Variants in ABITRAM observed in about 807,000 individuals in gnomAD.
ABITRAM encodes protein Abitram.
Under a neutral mutation model 22.9 loss-of-function variants are expected in ABITRAM, and 19 were observed. That is an observed-to-expected ratio of 0.83 (90% CI 0.58 to 1.22). The LOEUF (loss-of-function observed/expected upper bound fraction) is 1.22, where lower values mean the gene tolerates loss of function less well. Among genes scored for constraint, ABITRAM ranks in the 50% most tolerant of loss-of-function variants. ABITRAM has a pLI of 0.00. For missense variants in ABITRAM, 215 were observed against 220.2 expected, an observed-to-expected ratio of 0.98 and a Z score of 0.15; for synonymous variants, 70 against 73.9, an observed-to-expected ratio of 0.95 and a Z score of 0.27.
At chr9:108,946,075 C>A (rs1314869129) in intron 3 of ABITRAM, among the ~76,000 whole-genome samples, 1 of 151,758 alleles carries the variant, frequency 6.6e-6, no homozygotes, top group African/African-American at 2.4e-5. Context: ...CTGAGGCGGG[C>A]GAATCACAAG....
At chr9:108,939,342 T>G in intron 4 of ABITRAM, 43 bp from the exon 5 acceptor site, 1 of 1,589,048 alleles carries the variant, frequency 6.3e-7, no homozygotes, top group Non-Finnish European at 8.5e-7. Context: ...AACAATTTTT[T>G]TTAACTAAGT....
In ABITRAM at chr9:108,939,257, A is replaced by C; in HGVS notation, c.323A>C (p.Glu108Ala). Residue 108 changes from glutamate (E) to alanine (A), a missense_variant, in exon 4 of 6, where the codon GAA (glutamate) becomes GCA (alanine). Physicochemically the swap from Glu to Ala is moderately radical, Grantham distance 107. Transcript: ENST00000322940. ...LCKIYCSDGE[E>A]YTVSSCVRGR... ...AAGATTTACTGCTCAGATGGTGAAGAATATACTGTGTCTAGGTGAGTAACT... is the reference window on the plus strand; with the variant it reads ...AAGATTTACTGCTCAGATGGTGAAGCATATACTGTGTCTAGGTGAGTAACT... The C allele has an allele frequency of 6.2e-7, 1 of 1,613,982 alleles. No individual in the cohort carries two copies. Among genetic ancestry groups the C allele is most frequent in the Non-Finnish European group, 8.5e-7 (1 of 1,179,934 alleles).
intron 1 of ABITRAM, among the ~76,000 whole-genome samples, chr9:108,935,311 A>T (rs1348442671): frequency 6.6e-6 from 1 of 152,196 alleles, no homozygotes; most frequent in African/African-American, 2.4e-5. Context: ...ACCAACAAAA[A>T]ATATATATCA....
At chr9:108,939,023 T>C (rs1830223411) in intron 3 of ABITRAM, among the ~76,000 whole-genome samples, 173 bp from the exon 4 acceptor site, 1 of 152,338 alleles carries the variant, frequency 6.6e-6, no homozygotes, top group Non-Finnish European at 1.5e-5. Flanking sequence ...TGGCACACAG[T>C]AGGTACTTAT....
exon 4 of ABITRAM, chr9:108,950,537 G>A (rs771968452): frequency 1.4e-5 from 22 of 1,550,192 alleles, no homozygotes; most frequent in African/African-American, 2.7e-5. Context: ...GGTAGAAGAC[G>A]TCATCAAGAG....
intron 3 of ABITRAM, among the ~76,000 whole-genome samples, chr9:108,949,468 G>C (rs1830495928): frequency 6.6e-6 from 1 of 152,224 alleles, no homozygotes; most frequent in Non-Finnish European, 1.5e-5. Context: ...AGCACTTTGG[G>C]AGGCCAAGGT....
At position 108,939,369 on chromosome 9, in the gene ABITRAM, TA is replaced by T; in HGVS notation, c.339-13del. ...TAACTAAGTAAACATGCTGAAATCT[TA>T]AATTTTTTTAATAGTTGTGTTAGAG... is the stretch of plus-strand genomic sequence containing the variant. On this transcript the variant is annotated splice_polypyrimidine_tract_variant and intron_variant, in intron 4 of 5. Transcript: ENST00000322940. 1 of 1,599,618 alleles carries T rather than the reference TA, an allele frequency of 6.3e-7. No homozygotes were observed.
rs1342947389 is a variant in ABITRAM, at chr9:108,939,234, G to C, written c.300G>C (p.Lys100Asn). 6.2e-7 allele frequency: 1 copy of C among 1,613,878 alleles called. No individual in the cohort carries two copies. Among genetic ancestry groups the C allele is most frequent in the Admixed American group, 1.7e-5 (1 of 59,988 alleles). ...QFLTELAPLC[K>N]IYCSDGEEYT... The stretch of plus-strand genomic sequence containing the variant: ...TAACAGAGCTTGCACCTCTCTGTAA[G>C]ATTTACTGCTCAGATGGTGAAGAAT... The change falls in exon 4 of 6, where the codon AAG (lysine) becomes AAC (asparagine). Residue 100 changes from lysine (K) to asparagine (N), a missense_variant. Lys to Asn is a moderately conservative substitution (Grantham distance 94). Transcript: ENST00000322940.
rs550967708 is a variant in ABITRAM at position 108,938,695 on chromosome 9, G to C, written c.262-501G>C. ...AACACACTGGGGAATTACAAAGGGG[G>C]GGGGGGGAAAGAACAATATCCCTTC... On this transcript the variant is annotated intron_variant, in intron 3 of 5. Transcript: ENST00000322940. 8.4e-3 allele frequency among the ~76,000 whole-genome samples: 1,232 copies of C among 146,020 alleles called. 15 individuals are homozygous for C. Among genetic ancestry groups the C allele is most frequent in the Middle Eastern group, 0.017 (5 of 288 alleles).
chr9:108,934,605 G>A (rs778981095), intron 1 of ABITRAM, 40 bp downstream of exon 1: 40 of 1,553,322 alleles, frequency 2.6e-5, no homozygotes, highest in Non-Finnish European at 3.5e-5. Flanking sequence ...TGGCCGCACT[G>A]GCCTAATGCT....
chr9:108,947,111 C>CTT (rs1307403752), intron 3 of ABITRAM, among the ~76,000 whole-genome samples: 2 of 134,976 alleles, frequency 1.5e-5, no homozygotes, highest in Non-Finnish European at 3.3e-5. Flanking sequence ...ATAGAAATTT[C>CTT]TTTCTTTTTT....
chr9:108,934,431 G>T lies in ABITRAM; in HGVS notation c.-56G>T. 1.3e-6 allele frequency: 2 copies of T among 1,495,126 alleles called. No individual in the cohort carries two copies. Among genetic ancestry groups the T allele is most frequent in the Non-Finnish European group, 1.8e-6 (2 of 1,106,002 alleles). The allele number at this position is 1,495,126 out of a possible 1,614,324, so 92.6% of individuals were successfully genotyped here. ...CGGAAGAGCACGCCCAGTCCGGGCT[G>T]CGCGGAGGAAGCGCTGGGGTCCCGG... On this transcript the variant is annotated 5_prime_UTR_variant, in exon 1 of 6. Coordinates refer to ENST00000322940, the MANE Select transcript of ABITRAM (RefSeq NM_017832.4).
chr9:108,949,440 G>C (rs1004017528), intron 3 of ABITRAM, among the ~76,000 whole-genome samples: 1 of 152,198 alleles, frequency 6.6e-6, no homozygotes, highest in Non-Finnish European at 1.5e-5. Context: ...AAGCGCGGTG[G>C]CTCATGTCTG....
chr9:108,950,705 C>G lies in ABITRAM; in HGVS notation c.*112C>G, dbSNP rs1017613147. ...GTGGATGCTCATCTTTTCAGTCTTT[C>G]TGGTGACTTTGCAAAAATAAATTGA... is the stretch of plus-strand genomic sequence containing the variant. On this transcript the variant is annotated 3_prime_UTR_variant, in exon 4 of 4. Coordinates refer to the ABITRAM transcript ENST00000374624. 26 of 1,405,194 alleles carry G rather than the reference C, an allele frequency of 1.9e-5. No homozygotes were observed. The African/African-American group carries it at 3.2e-4, about 17-fold the overall frequency. 87.0% of individuals were successfully genotyped at this position (1,405,194 alleles called of 1,614,324 possible).
Position 108,937,838 on chromosome 9 carries a change from T to A in ABITRAM, c.262-1358T>A, listed in dbSNP as rs28751581. Among the ~76,000 whole-genome samples, 117 of 98,102 alleles carry A rather than the reference T, an allele frequency of 1.2e-3. 2 individuals carry two copies. The highest frequency in any genetic ancestry group is 2.8e-3 in the African/African-American group (72 of 25,516). The allele number at this position is 98,102 out of a possible 152,430, so 64.4% of individuals were successfully genotyped here. On this transcript the variant is annotated intron_variant, in intron 3 of 5. Coordinates refer to ENST00000322940, the MANE Select transcript of ABITRAM (RefSeq NM_017832.4). The stretch of plus-strand genomic sequence containing the variant: ...CCTCATTTCTACCAAAAAAAAAAAA[T>A]TTTTTTTTAATTAGCTGGGCATGGT...
rs1262354115 is a variant in ABITRAM, at chr9:108,946,606, C to T, written c.262-3901C>T. ...ACGTGATTTTATCTCCAAGTACTTA[C>T]ATATGTGCACTGAATGCTTAAATTC... On this transcript the variant is annotated intron_variant, in intron 3 of 3. Coordinates refer to the ABITRAM transcript ENST00000374624. Among the ~76,000 whole-genome samples the T allele has an allele frequency of 6.6e-5, 10 of 152,308 alleles. No individual in the cohort carries two copies. The East Asian group carries it at 1.9e-3, about 29-fold the overall frequency.
intron 3 of ABITRAM, among the ~76,000 whole-genome samples, chr9:108,936,859 G>GA (rs1056818791): frequency 5.0e-4 from 72 of 143,950 alleles, no homozygotes; most frequent in Non-Finnish European, 2.8e-4. Context: ...AAGGGAGTTA[G>GA]AAAAAAAAAA....
At chr9:108,950,429 TATG>T (rs1830527189) in intron 3 of ABITRAM, 2 of 1,447,936 alleles carry the variant, frequency 1.4e-6, no homozygotes, top group South Asian at 1.4e-5. Flanking sequence ...TGATGGAAAA[TATG>T]ATAAGGTACT....
chr9:108,936,106 G>A, intron 2 of ABITRAM: 1 of 599,766 alleles, frequency 1.7e-6, no homozygotes, highest in Non-Finnish European at 2.8e-6. Context: ...CCCTTTCCTG[G>A]GAAAGAAATT....
Sources: gnomAD v4.1 joint callset for allele counts (sites outside exome capture counted in the v4.1 genomes callset) on GRCh38, gnomAD v4.1.1 for gene constraint, MANE v1.5 for transcripts, NCBI Gene and HGNC (gene_info 2026-07-23, HGNC 2026-07-21) for gene names.